CNOT10: variants seen among roughly 807,000 people sequenced by gnomAD.
CNOT10 encodes the protein CCR4-NOT transcription complex subunit 10.
Under a neutral mutation model 94.6 loss-of-function variants are expected in CNOT10, and 30 were observed. That is an observed-to-expected ratio of 0.32 (90% confidence interval 0.24 to 0.43). CNOT10 has a LOEUF of 0.43. Ranked by LOEUF, CNOT10 falls within the 20% of genes least tolerant of loss-of-function variation. The probability of loss-of-function intolerance (pLI) is 1.00; values close to 1 mark genes in which losing one functional copy is unlikely to be tolerated. For synonymous variants in CNOT10, 289 were observed against 301.6 expected (o/e 0.96, Z 0.43); for missense variants, 759 against 877.2 (o/e 0.87, Z 1.70).
In CNOT10 at chr3:32,687,452, G is replaced by GTTT. The variant is rs56091219; in HGVS notation, c.22+1985_22+1987dup. 8.6e-4 allele frequency among the ~76,000 whole-genome samples: 52 copies of GTTT among 60,418 alleles called. 5 individuals are homozygous for GTTT. The highest frequency in any genetic ancestry group is 2.6e-3 in the Admixed American group (9 of 3,428). The allele number at this position is 60,418 out of a possible 152,430, so 39.6% of individuals were successfully genotyped here. A position where few individuals can be genotyped will look rare whatever the true frequency, so the allele number is the denominator to read the frequency against. On this transcript the variant is annotated intron_variant, in intron 1 of 18. Coordinates refer to ENST00000328834, the MANE Select transcript of CNOT10 (RefSeq NM_015442.3). ...TAAGTCCTCACGGTTTTTTTTTTTT[G>GTTT]TTTTTTTTTTTTTTTTTGAGACGGA...
chr3:32,720,001 T>C, intron 7 of CNOT10, 113 bp from the exon 8 acceptor site: 1 of 500,952 alleles, frequency 2.0e-6, no homozygotes, highest in Non-Finnish European at 3.6e-6. Flanking sequence ...TTTTTGTGAC[T>C]GACTTAATTG....
At chr3:32,713,075 C>A (rs1697960507) in intron 4 of CNOT10, 152 bp from the exon 5 acceptor site, 3 of 530,500 alleles carry the variant, frequency 5.7e-6, no homozygotes, top group Non-Finnish European at 9.6e-6. Flanking sequence ...TTGCAAGTTG[C>A]TTTCATTCGT....
intron 17 of CNOT10, among the ~76,000 whole-genome samples, chr3:32,767,883 A>G (rs1429588019): frequency 6.6e-6 from 1 of 152,186 alleles, no homozygotes; most frequent in Non-Finnish European, 1.5e-5. Context: ...TACAGTGTGT[A>G]CAGTCCAGCT....
At chr3:32,726,935 G>A (rs1469467843) in intron 9 of CNOT10, among the ~76,000 whole-genome samples, 1 of 141,900 alleles carries the variant, frequency 7.0e-6, no homozygotes, top group Non-Finnish European at 1.5e-5. Context: ...CATCCTCCAC[G>A]TCCCAGGTTC....
chr3:32,706,307 T>G (rs1697621118), intron 3 of CNOT10, among the ~76,000 whole-genome samples: 1 of 152,220 alleles, frequency 6.6e-6, no homozygotes, highest in Non-Finnish European at 1.5e-5. Flanking sequence ...GTTTGGTTTT[T>G]GAGAATAAGT....
intron 17 of CNOT10, among the ~76,000 whole-genome samples, chr3:32,768,610 T>C (rs1700757050): frequency 6.6e-6 from 1 of 151,826 alleles, no homozygotes; most frequent in South Asian, 2.1e-4. Flanking sequence ...CAAAATGGTA[T>C]AAAGACGATC....
At chr3:32,773,320 T>C in intron 18 of CNOT10, 137 bp from the exon 19 acceptor site, 1 of 837,328 alleles carries the variant, frequency 1.2e-6, no homozygotes, top group Non-Finnish European at 1.8e-6. Flanking sequence ...CTTTATGGGA[T>C]TCCAGTATAC....
intron 1 of CNOT10, among the ~76,000 whole-genome samples, chr3:32,689,576 C>T (rs1696767247): frequency 6.6e-6 from 1 of 152,070 alleles, no homozygotes; most frequent in South Asian, 2.1e-4. Flanking sequence ...ATCAAGCAGA[C>T]CCCTTGAATA....
At chr3:32,704,028 G>C in intron 2 of CNOT10, 66 bp downstream of exon 2, 1 of 965,800 alleles carries the variant, frequency 1.0e-6, no homozygotes, top group Non-Finnish European at 1.6e-6. Flanking sequence ...TCTTTTCATA[G>C]TGAATTTTTA....
chr3:32,754,045 A>G (rs967154749), intron 13 of CNOT10: 7 of 450,510 alleles, frequency 1.6e-5, no homozygotes, highest in Non-Finnish European at 2.7e-5. Flanking sequence ...GGTTGCAGTG[A>G]GCCAAGATCA....
intron 9 of CNOT10, among the ~76,000 whole-genome samples, chr3:32,727,296 C>T (rs1046078392): frequency 6.6e-6 from 1 of 151,628 alleles, no homozygotes; most frequent in Admixed American, 6.6e-5. Context: ...TAGTGAGACC[C>T]CCCCATCTCT....
At chr3:32,703,061 GC>G in intron 1 of CNOT10, among the ~76,000 whole-genome samples, 1 of 146,540 alleles carries the variant, frequency 6.8e-6, no homozygotes, top group Non-Finnish European at 1.5e-5. Context: ...ACAGGCGCCC[GC>G]CACCACGCCA....
chr3:32,685,207 T>TGAGGCGGAAGCTGTGTATGGCGG lies in CNOT10; in HGVS notation c.-248_-226dup. Reference sequence around the variant, plus strand: ...GGAAGTAGTGGGTACCGGGACGCCGTGAGGCGGAAGCTGTGTATGGCGGGA... The same window carrying TGAGGCGGAAGCTGTGTATGGCGG: ...GGAAGTAGTGGGTACCGGGACGCCGTGAGGCGGAAGCTGTGTATGGCGGGAGGCGGAAGCTGTGTATGGCGGGA... On this transcript the variant is annotated 5_prime_UTR_variant, in exon 1 of 19. It adds an upstream start codon to the 5' untranslated region. Transcript: ENST00000328834. The TGAGGCGGAAGCTGTGTATGGCGG allele has an allele frequency of 2.5e-6, 1 of 402,592 alleles. No homozygotes were observed. 24.9% of individuals were successfully genotyped at this position (402,592 alleles called of 1,614,324 possible).
chr3:32,728,472 G>T lies in CNOT10; in HGVS notation c.1215+602G>T, dbSNP rs149865526. 6.6e-3 allele frequency among the ~76,000 whole-genome samples: 1,007 copies of T among 151,922 alleles called. 5 individuals carry two copies. The highest frequency in any genetic ancestry group is 7.3e-3 in the Non-Finnish European group (495 of 67,972). ...CTCCATCTCTACAAAAAATTACTGG[G>T]TGTGGCAGTGAGCGCCTGTAGTCCC... On this transcript the variant is annotated intron_variant, in intron 10 of 18. Coordinates refer to ENST00000328834, the MANE Select transcript of CNOT10 (RefSeq NM_015442.3).
chr3:32,767,967 G>A (rs184298285), intron 17 of CNOT10, among the ~76,000 whole-genome samples: 38 of 152,210 alleles, frequency 2.5e-4, no homozygotes, highest in Non-Finnish European at 5.1e-4. Context: ...CCTGGTTTGG[G>A]GTCTGAAGGG....
chr3:32,762,178 A>C (rs1031618208), intron 14 of CNOT10, among the ~76,000 whole-genome samples: 20 of 151,284 alleles, frequency 1.3e-4, no homozygotes, highest in Non-Finnish European at 2.5e-4. Flanking sequence ...AAAAAAAAAA[A>C]AAAAGCTGGG....
At chr3:32,695,918 C>T (rs1266449213) in intron 1 of CNOT10, 17 of 988,390 alleles carry the variant, frequency 1.7e-5, no homozygotes, top group East Asian at 5.3e-5. Context: ...GCAGAAAACT[C>T]GAGAAATGTA....
At chr3:32,689,353 C>CAA (rs199702747) in intron 1 of CNOT10, among the ~76,000 whole-genome samples, 6 of 76,256 alleles carry the variant, frequency 7.9e-5, no homozygotes, top group East Asian at 3.6e-4. Context: ...AACACCATCT[C>CAA]AAAAAAAAAA....
intron 5 of CNOT10, among the ~76,000 whole-genome samples, chr3:32,714,579 C>G (rs564665541): frequency 1.3e-5 from 2 of 152,102 alleles, no homozygotes; most frequent in African/African-American, 4.8e-5. Flanking sequence ...CATGGTGGCA[C>G]ACAACTGTAA....
Sources: allele counts gnomAD v4.1 joint callset (sites outside exome capture counted in the v4.1 genomes callset), GRCh38; gene constraint gnomAD v4.1.1; transcripts MANE v1.5; gene names NCBI Gene and HGNC (gene_info 2026-07-23, HGNC 2026-07-21).